Variants in PRKG1 observed in about 807,000 individuals in gnomAD.
The protein encoded by PRKG1 is protein kinase cGMP-dependent 1, also known as cGMP-dependent protein kinase 1.
A neutral mutation model predicts 88.1 loss-of-function variants in PRKG1; 35 were observed. The ratio of observed to expected loss-of-function variants is 0.40; its 90% CI spans 0.30 to 0.53. The LOEUF (loss-of-function observed/expected upper bound fraction) is 0.53, where lower values mean the gene tolerates loss of function less well. PRKG1 is among the 20% of genes least tolerant of loss of function. The probability of loss-of-function intolerance (pLI) is 0.59; values close to 1 mark genes in which losing one functional copy is unlikely to be tolerated. For synonymous variants in PRKG1, 303 were observed against 292.5 expected, an observed-to-expected ratio of 1.04 and a Z score of -0.37; for missense variants, 540 against 839.8, an observed-to-expected ratio of 0.64 and a Z score of 4.41.
At chr10:51,275,964 CTTT>C (rs200640333) in intron 2 of PRKG1, among the ~76,000 whole-genome samples, 1 of 141,990 alleles carries the variant, frequency 7.0e-6, no homozygotes. Flanking sequence ...ATGAAATTTT[CTTT>C]TTTTTTTTTT....
chr10:51,185,688 T>C (rs959208520), intron 2 of PRKG1, among the ~76,000 whole-genome samples: 3 of 151,898 alleles, frequency 2.0e-5, no homozygotes, highest in Non-Finnish European at 4.4e-5. Context: ...AACATCTAAG[T>C]CTTTAAACAC....
chr10:52,034,316 CA>C (rs1390627901), intron 5 of PRKG1, among the ~76,000 whole-genome samples: 1 of 132,398 alleles, frequency 7.6e-6, no homozygotes, highest in African/African-American at 2.9e-5. Flanking sequence ...CGATGTTTCT[CA>C]GGGCTGCTTC....
chr10:51,664,637 G>A (rs565232420), intron 3 of PRKG1, among the ~76,000 whole-genome samples: 2 of 152,122 alleles, frequency 1.3e-5, no homozygotes, highest in African/African-American at 2.4e-5. Flanking sequence ...TACTGAGGGC[G>A]AATAAGATAC....
chr10:51,467,941 T>C (rs1350702933), intron 3 of PRKG1, 105 bp downstream of exon 3: 14 of 986,514 alleles, frequency 1.4e-5, no homozygotes, highest in Non-Finnish European at 2.2e-5. Context: ...CTTTTATTTC[T>C]TTGTATTTTA....
chr10:51,507,804 C>T lies in PRKG1; in HGVS notation c.592+39968C>T, dbSNP rs181921043. The stretch of plus-strand genomic sequence containing the variant: ...GCTAGAGCTCTTTCAATTACACCAT[C>T]GAAGATGTTCTCCCTGACCATTAAA... On this transcript the variant is annotated intron_variant, in intron 3 of 17. Transcript: ENST00000373980. Among the ~76,000 whole-genome samples the T allele has an allele frequency of 2.8e-4, 42 of 152,170 alleles. 1 individual carries two copies. The highest frequency in any genetic ancestry group is 2.7e-3 in the Admixed American group (41 of 15,276).
intron 4 of PRKG1, among the ~76,000 whole-genome samples, chr10:51,870,343 C>T (rs1841124347): frequency 6.6e-6 from 1 of 151,978 alleles, no homozygotes; most frequent in Admixed American, 6.6e-5. Flanking sequence ...CCAGTGTTGT[C>T]AGAGTTAAGT....
At chr10:51,942,609 C>T (rs1842934470) in intron 5 of PRKG1, among the ~76,000 whole-genome samples, 1 of 146,452 alleles carries the variant, frequency 6.8e-6, no homozygotes, top group Admixed American at 6.7e-5. Context: ...GTCTTTAATC[C>T]ATCTTGAATT....
chr10:51,702,485 C>T (rs1841493649), intron 3 of PRKG1, among the ~76,000 whole-genome samples: 1 of 152,012 alleles, frequency 6.6e-6, no homozygotes, highest in Non-Finnish European at 1.5e-5. Context: ...CTTTTTTATT[C>T]CCATAAAGTT....
chr10:51,923,434 ATAT>A (rs1164381305), intron 5 of PRKG1, among the ~76,000 whole-genome samples: 7 of 151,012 alleles, frequency 4.6e-5, no homozygotes, highest in Admixed American at 6.6e-5. Flanking sequence ...TAATATTAGC[ATAT>A]TATTATATGC....
At chr10:52,135,938 T>C (rs1837402792) in intron 8 of PRKG1, among the ~76,000 whole-genome samples, 1 of 151,914 alleles carries the variant, frequency 6.6e-6, no homozygotes, top group Non-Finnish European at 1.5e-5. Flanking sequence ...ATTTAAGCAT[T>C]AGGGAAAGTA....
chr10:51,901,315 G>C lies in PRKG1; in HGVS notation c.699-6192G>C, dbSNP rs552559043. On this transcript the variant is annotated intron_variant, in intron 4 of 17. Coordinates refer to ENST00000373980, the MANE Select transcript of PRKG1 (RefSeq NM_006258.4). ...ACTAGAAGAATGATTAGTTTGTTCT[G>C]GTTCTAGAAGCAAATCCAGCCATGT... Among the ~76,000 whole-genome samples, 3 of 152,256 alleles carry C rather than the reference G, an allele frequency of 2.0e-5. No individual in the cohort carries two copies. The South Asian group carries it at 6.2e-4, about 32-fold the overall frequency.
chr10:52,045,237 A>G (rs532525473), intron 5 of PRKG1, among the ~76,000 whole-genome samples: 2 of 152,192 alleles, frequency 1.3e-5, no homozygotes, highest in African/African-American at 2.4e-5. Context: ...CTGATATTCT[A>G]TCCCCACAAT....
At chr10:51,819,765 A>G (rs938752189) in intron 4 of PRKG1, among the ~76,000 whole-genome samples, 1 of 152,198 alleles carries the variant, frequency 6.6e-6, no homozygotes, top group Non-Finnish European at 1.5e-5. Flanking sequence ...ACATAGGGAC[A>G]GATCTGGAAT....
At position 50,991,191 on chromosome 10, in the gene PRKG1, C is replaced by A; in HGVS notation, c.-188C>A. 1.3e-6 allele frequency: 1 copy of A among 769,306 alleles called. No homozygotes were observed. Among genetic ancestry groups the A allele is most frequent in the Non-Finnish European group, 2.0e-6 (1 of 508,930 alleles). 47.7% of individuals were successfully genotyped at this position (769,306 alleles called of 1,614,324 possible). A position where few individuals can be genotyped will look rare whatever the true frequency, so the allele number is the denominator to read the frequency against. The stretch of plus-strand genomic sequence containing the variant: ...CCCTCGGTGCTTTTAGTCCATTCAG[C>A]AGAAGCGGATCGAAGCAGGAGGCTC... On this transcript the variant is annotated 5_prime_UTR_variant, in exon 1 of 18. Coordinates refer to the PRKG1 transcript ENST00000401604. This position sits in a 1 kb window ranked among gnomAD's most constrained non-coding sequence, Gnocchi z 4.5.
At chr10:52,004,324 C>A (rs762665545) in intron 5 of PRKG1, among the ~76,000 whole-genome samples, 14 of 152,128 alleles carry the variant, frequency 9.2e-5, no homozygotes, top group Admixed American at 2.0e-4. Context: ...GAGTTACTTG[C>A]ATTGTTGAAA....
chr10:51,715,157 T>C (rs10999046), intron 3 of PRKG1, among the ~76,000 whole-genome samples: 17,653 of 152,268 alleles, frequency 0.12, 1,250 homozygotes, highest in African/African-American at 0.2. Context: ...TTTGGTTTTT[T>C]GTGATATGCT....
At chr10:51,528,707 AG>A (rs914104974) in intron 3 of PRKG1, among the ~76,000 whole-genome samples, 34 of 152,102 alleles carry the variant, frequency 2.2e-4, no homozygotes, top group African/African-American at 8.2e-4. Context: ...ACTCTTGCAG[AG>A]GGCTAATTAA....
chr10:50,997,215 G>A (rs1225643435), intron 1 of PRKG1, among the ~76,000 whole-genome samples: 1 of 152,116 alleles, frequency 6.6e-6, no homozygotes, highest in African/African-American at 2.4e-5. Flanking sequence ...GGTGAATTGA[G>A]GTCTTCAACT....
At chr10:52,043,687 G>T (rs951173997) in intron 5 of PRKG1, among the ~76,000 whole-genome samples, 3 of 151,896 alleles carry the variant, frequency 2.0e-5, no homozygotes, top group Admixed American at 2.0e-4. Flanking sequence ...AAGAGGATTT[G>T]CATGTTGTCA....
Sources: allele counts gnomAD v4.1 joint callset (sites outside exome capture counted in the v4.1 genomes callset), GRCh38; gene constraint gnomAD v4.1.1; non-coding constraint Gnocchi (gnomAD v3.1); transcripts MANE v1.5; gene names NCBI Gene and HGNC (gene_info 2026-07-23, HGNC 2026-07-21).